RAP1GAP: variants seen among roughly 807,000 people sequenced by gnomAD.
RAP1GAP encodes rap1 GTPase-activating protein 1.
A neutral mutation model predicts 87.2 loss-of-function variants in RAP1GAP; 35 were observed. The observed-to-expected ratio is 0.40, with a 90% confidence interval of 0.31 to 0.53. The LOEUF (loss-of-function observed/expected upper bound fraction) is 0.53, where lower values mean the gene tolerates loss of function less well. RAP1GAP is among the 20% of genes least tolerant of loss of function. The pLI is 0.48. For synonymous variants in RAP1GAP, 375 were observed against 363.9 expected, an observed-to-expected ratio of 1.03 and a Z score of -0.35; for missense variants, 734 against 898.9, an observed-to-expected ratio of 0.82 and a Z score of 2.35.
intron 2 of RAP1GAP, among the ~76,000 whole-genome samples, chr1:21,641,476 C>T (rs995333781): frequency 6.6e-6 from 1 of 152,210 alleles, no homozygotes; most frequent in Non-Finnish European, 1.5e-5. Flanking sequence ...TGCACCCACC[C>T]CATCCGTACT....
intron 2 of RAP1GAP, among the ~76,000 whole-genome samples, chr1:21,639,421 C>T (rs2095290489): frequency 6.6e-6 from 1 of 152,182 alleles, no homozygotes. Flanking sequence ...CTGGATGGGC[C>T]AGAGAACAAG....
chr1:21,608,673 C>A (rs531420699), intron 16 of RAP1GAP, among the ~76,000 whole-genome samples, 177 bp downstream of exon 16: 64 of 151,530 alleles, frequency 4.2e-4, no homozygotes, highest in Admixed American at 7.2e-4. Context: ...GGGAACTCCT[C>A]AGTATCCCTC....
chr1:21,608,164 C>T (rs780336561), intron 17 of RAP1GAP, 49 bp downstream of exon 17: 32 of 1,603,030 alleles, frequency 2.0e-5, no homozygotes, highest in Middle Eastern at 1.7e-4. Context: ...CGGGATTCCG[C>T]CCTAGCCACG....
chr1:21,604,033 A>G (rs754802331), intron 18 of RAP1GAP: 4 of 782,092 alleles, frequency 5.1e-6, no homozygotes, highest in Middle Eastern at 2.5e-4. Context: ...GAAGACAGAC[A>G]GAAAAAGGAA....
chr1:21,668,158 G>T lies in RAP1GAP; in HGVS notation c.-149+1096C>A, dbSNP rs909833232. ...CCCCCAAACACCCTCAGGAAGGAGG[G>T]ACCACTACCTGTGCAGGGGGGGCCA... is the stretch of plus-strand genomic sequence containing the variant. On this transcript the variant is annotated intron_variant, in intron 1 of 24. Transcript: ENST00000374765. The surrounding 1 kb of genome is among the most constrained non-coding windows in gnomAD (Gnocchi z 6.2). Among the ~76,000 whole-genome samples the T allele has an allele frequency of 1.3e-5, 2 of 152,192 alleles. No individual in the cohort carries two copies. The highest frequency in any genetic ancestry group is 4.8e-5 in the African/African-American group (2 of 41,446).
At chr1:21,662,267 A>G (rs1450604139) in intron 1 of RAP1GAP, among the ~76,000 whole-genome samples, 1 of 152,208 alleles carries the variant, frequency 6.6e-6, no homozygotes, top group African/African-American at 2.4e-5. Context: ...GGGCTCCGGC[A>G]CACTCAGCAG....
chr1:21,634,855 G>T lies in RAP1GAP; in HGVS notation c.-112-8458C>A. On this transcript the variant is annotated intron_variant, in intron 2 of 24. Coordinates refer to ENST00000374765, the MANE Select transcript of RAP1GAP (RefSeq NM_002885.4). This position sits in a 1 kb window ranked among gnomAD's most constrained non-coding sequence, Gnocchi z 4.1. ...CCTTCCCACCCCACCGAGGACTTCA[G>T]TGTGGACTGACTCCTCCCCTGCACT... 6.4e-6 allele frequency: 2 copies of T among 310,802 alleles called. No homozygotes were observed. The highest frequency in any genetic ancestry group is 4.8e-5 in the South Asian group (2 of 41,256). 19.3% of individuals were successfully genotyped at this position (310,802 alleles called of 1,614,324 possible). A position where few individuals can be genotyped will look rare whatever the true frequency, so the allele number is the denominator to read the frequency against.
At chr1:21,607,659 C>A (rs2075574480) in intron 17 of RAP1GAP, among the ~76,000 whole-genome samples, 1 of 152,118 alleles carries the variant, frequency 6.6e-6, no homozygotes, top group Admixed American at 6.5e-5. Context: ...AATCCTCCAC[C>A]CTTCAGCAGA....
chr1:21,659,295 G>GCGA (rs1228202089), intron 1 of RAP1GAP, among the ~76,000 whole-genome samples: 2 of 152,336 alleles, frequency 1.3e-5, no homozygotes, highest in East Asian at 3.9e-4. Context: ...AGAACTGCAG[G>GCGA]CGACGGCCGC....
chr1:21,597,708 G>A lies in RAP1GAP; in HGVS notation c.*12C>T. The A allele has an allele frequency of 6.2e-7, 1 of 1,613,340 alleles. No individual in the cohort carries two copies. The highest frequency in any genetic ancestry group is 8.5e-7 in the Non-Finnish European group (1 of 1,179,458). ...AACCTGCTCAGTTTCACCTTCAGAG[G>A]GGGTGGCCCGGCTAACAGCCCTGCA... is the stretch of plus-strand genomic sequence containing the variant. On this transcript the variant is annotated 3_prime_UTR_variant, in exon 24 of 25. Coordinates refer to ENST00000374765, the MANE Select transcript of RAP1GAP (RefSeq NM_002885.4).
intron 20 of RAP1GAP, among the ~76,000 whole-genome samples, chr1:21,600,546 C>T (rs953104867): frequency 2.0e-5 from 3 of 152,074 alleles, no homozygotes; most frequent in East Asian, 1.9e-4. Flanking sequence ...GCATCGCCCT[C>T]GTAATTAAAA....
At chr1:21,617,782 G>T (rs1211233113) in intron 6 of RAP1GAP, 152 bp downstream of exon 6, 2 of 1,110,842 alleles carry the variant, frequency 1.8e-6, no homozygotes, top group East Asian at 4.9e-5. Flanking sequence ...GGTTCAAATG[G>T]GCTCTGAGGC....
chr1:21,658,517 A>T (rs2096956165), intron 1 of RAP1GAP, among the ~76,000 whole-genome samples: 1 of 152,002 alleles, frequency 6.6e-6, no homozygotes, highest in Non-Finnish European at 1.5e-5. Context: ...GCAGTGAGCT[A>T]AGATCACAGC....
Position 21,617,501 on chromosome 1 carries a change from G to A in RAP1GAP, c.106-10C>T. ...CTTCTCGCCCCAAGACCTGAAGAGG[G>A]ACTCAGCTGAGAGCCACCCCACACT... On this transcript the variant is annotated splice_polypyrimidine_tract_variant and intron_variant, in intron 6 of 24. Transcript: ENST00000374765. The A allele has an allele frequency of 6.3e-7, 1 of 1,585,904 alleles. No homozygotes were observed. The highest frequency in any genetic ancestry group is 8.6e-7 in the Non-Finnish European group (1 of 1,166,358).
intron 18 of RAP1GAP, among the ~76,000 whole-genome samples, chr1:21,604,865 ATGG>A (rs2072878145): frequency 7.2e-6 from 1 of 139,052 alleles, no homozygotes. Context: ...GGATGGATGG[ATGG>A]ATGGATGGAT....
chr1:21,622,969 A>G lies in RAP1GAP; in HGVS notation c.-18-2919T>C, dbSNP rs829406. On this transcript the variant is annotated intron_variant, in intron 3 of 24. Coordinates refer to ENST00000374765, the MANE Select transcript of RAP1GAP (RefSeq NM_002885.4). This position sits in a 1 kb window ranked among gnomAD's most constrained non-coding sequence, Gnocchi z 5.7. ...TTATACAGATGAGAAGCCGGTTCCAAGAGGTGAAATAGCTTGCCCGAGACC... is the reference window on the plus strand; with the variant it reads ...TTATACAGATGAGAAGCCGGTTCCAGGAGGTGAAATAGCTTGCCCGAGACC... 30,013 of 151,844 alleles carry G rather than the reference A, an allele frequency of 0.2. 3,723 individuals are homozygous for G. Among genetic ancestry groups the G allele is most frequent in the East Asian group, 0.35 (1,803 of 5,110 alleles). 9.4% of individuals were successfully genotyped at this position (151,844 alleles called of 1,614,324 possible). A position where few individuals can be genotyped will look rare whatever the true frequency, so the allele number is the denominator to read the frequency against.
At chr1:21,633,654 A>G (rs2094195095) in intron 2 of RAP1GAP, among the ~76,000 whole-genome samples, 1 of 151,974 alleles carries the variant, frequency 6.6e-6, no homozygotes, top group African/African-American at 2.4e-5. Context: ...AGTGGTCTGG[A>G]AGGGCGGGGG....
At chr1:21,619,182 G>C (rs1429229602) in intron 4 of RAP1GAP, 110 bp from the exon 5 acceptor site, 55 of 1,184,894 alleles carry the variant, frequency 4.6e-5, no homozygotes, top group Middle Eastern at 2.7e-4. Flanking sequence ...CGCGAAGGTA[G>C]GGGTACTCCC....
Position 21,615,213 on chromosome 1 carries a change from G to A in RAP1GAP, c.292-1124C>T, listed in dbSNP as rs550512047. On this transcript the variant is annotated intron_variant, in intron 7 of 24. Transcript: ENST00000374765. The surrounding 1 kb of genome is among the most constrained non-coding windows in gnomAD (Gnocchi z 4.5). ...GACACAGTGGGAGAGCGGGCTCAGG[G>A]TCCCAGGAAGTCAACGCCCAAAGTC... 5.3e-5 allele frequency among the ~76,000 whole-genome samples: 8 copies of A among 152,264 alleles called. 1 individual carries two copies. Among genetic ancestry groups the A allele is most frequent in the South Asian group, 4.1e-4 (2 of 4,826 alleles).
Sources: gnomAD v4.1 joint callset for allele counts (sites outside exome capture counted in the v4.1 genomes callset) on GRCh38, gnomAD v4.1.1 for gene constraint, Gnocchi (gnomAD v3.1) non-coding constraint, MANE v1.5 for transcripts, NCBI Gene and HGNC (gene_info 2026-07-23, HGNC 2026-07-21) for gene names.